SPON1: variants seen among roughly 807,000 people sequenced by gnomAD.
The protein encoded by SPON1 is spondin-1.
SPON1 carries 52 observed loss-of-function variants against 111.7 expected under a neutral mutation model. The ratio of observed to expected loss-of-function variants is 0.47; its 90% CI spans 0.37 to 0.59. The LOEUF (loss-of-function observed/expected upper bound fraction) is 0.59, where lower values mean the gene tolerates loss of function less well. SPON1 is among the 20% of genes least tolerant of loss of function. SPON1 has a pLI of 0.00. For synonymous variants in SPON1, 410 were observed against 395.8 expected (o/e 1.04, Z -0.43); for missense variants, 957 against 1,068.5 (o/e 0.90, Z 1.46).
intron 6 of SPON1, among the ~76,000 whole-genome samples, chr11:14,170,348 A>G (rs11493160): frequency 0.19 from 29,553 of 152,048 alleles, 2,969 homozygotes; most frequent in Admixed American, 0.25. Context: ...TTGATTTTGT[A>G]TCCTGAGACT....
intron 2 of SPON1, among the ~76,000 whole-genome samples, chr11:13,991,251 TC>T (rs1402145311): frequency 6.6e-6 from 1 of 152,218 alleles, no homozygotes; most frequent in African/African-American, 2.4e-5. Context: ...GTCCCATATT[TC>T]TTGGAGGCTT....
At position 14,254,609 on chromosome 11, in the gene SPON1, C is replaced by A. The variant is rs552457223; in HGVS notation, c.972C>A (p.Pro324=). ...MSFLTMMGPS[P]DWNVGLSAED... ...TCCTGACCATGATGGGCCCTAGTCCCGACTGGAACGTAGGCTTATCTGCAG... is the reference window on the plus strand; with the variant it reads ...TCCTGACCATGATGGGCCCTAGTCCAGACTGGAACGTAGGCTTATCTGCAG... Residue 324 remains proline (P), a synonymous_variant, in exon 8 of 16, where the codon CCC becomes CCA. Coordinates refer to ENST00000576479, the MANE Select transcript of SPON1 (RefSeq NM_006108.4). The A allele has an allele frequency of 1.2e-6, 2 of 1,613,830 alleles. No individual in the cohort carries two copies. Among genetic ancestry groups the A allele is most frequent in the African/African-American group, 1.3e-5 (1 of 74,910 alleles).
intron 6 of SPON1, among the ~76,000 whole-genome samples, chr11:14,157,411 T>C (rs1847861216): frequency 1.3e-5 from 2 of 152,224 alleles, no homozygotes; most frequent in Admixed American, 1.3e-4. Context: ...GTCAGTCTTA[T>C]GGTTGCTTGT....
chr11:14,015,942 A>C (rs1234316201), intron 2 of SPON1, among the ~76,000 whole-genome samples: 2 of 152,164 alleles, frequency 1.3e-5, no homozygotes, highest in African/African-American at 4.8e-5. Flanking sequence ...TCTAGGAGGG[A>C]TCTCTGAAGT....
intron 6 of SPON1, among the ~76,000 whole-genome samples, chr11:14,198,478 AAG>A (rs1554935289): frequency 1.3e-5 from 2 of 152,258 alleles, no homozygotes; most frequent in Non-Finnish European, 2.9e-5. Flanking sequence ...GGAATTTGAA[AAG>A]ATGATATATT....
intron 3 of SPON1, among the ~76,000 whole-genome samples, chr11:14,059,051 G>C (rs1591364173): frequency 6.6e-6 from 1 of 152,314 alleles, no homozygotes; most frequent in South Asian, 2.1e-4. Context: ...CTTACAAGCT[G>C]TGTCTGTTGG....
intron 3 of SPON1, among the ~76,000 whole-genome samples, chr11:14,074,816 A>C (rs781999385): frequency 6.6e-6 from 1 of 152,216 alleles, no homozygotes; most frequent in Non-Finnish European, 1.5e-5. Flanking sequence ...ATAACAGCTG[A>C]AGTTGTCTTT....
chr11:14,044,561 G>A (rs371102458), intron 3 of SPON1, among the ~76,000 whole-genome samples: 100 of 152,270 alleles, frequency 6.6e-4, no homozygotes, highest in African/African-American at 2.2e-3. Context: ...GCAGTGAGCC[G>A]AGACTGTGCC....
intron 6 of SPON1, among the ~76,000 whole-genome samples, chr11:14,229,618 C>G (rs1363524860): frequency 1.3e-5 from 2 of 152,200 alleles, no homozygotes; most frequent in African/African-American, 4.8e-5. Flanking sequence ...GAACAAGCTC[C>G]ACAAGGGCAG....
chr11:14,204,454 A>AT (rs1227547291), intron 6 of SPON1, among the ~76,000 whole-genome samples: 2 of 151,434 alleles, frequency 1.3e-5, no homozygotes, highest in South Asian at 4.2e-4. Context: ...TAATTTTTTT[A>AT]TTTTTTAATT....
At chr11:14,256,593 C>T (rs1554941235) in intron 9 of SPON1, 24 bp from the exon 10 acceptor site, 10 of 1,570,942 alleles carry the variant, frequency 6.4e-6, no homozygotes, top group Non-Finnish European at 8.8e-6. Flanking sequence ...CATGTGAGCC[C>T]TCCAAGTAAA....
chr11:14,237,223 G>A (rs1554939278), intron 6 of SPON1, among the ~76,000 whole-genome samples: 1 of 152,174 alleles, frequency 6.6e-6, no homozygotes, highest in African/African-American at 2.4e-5. Flanking sequence ...GATATTTTTT[G>A]TGCATGGCAA....
intron 6 of SPON1, among the ~76,000 whole-genome samples, chr11:14,197,015 A>G (rs1848409765): frequency 1.3e-5 from 2 of 152,010 alleles, no homozygotes; most frequent in African/African-American, 4.8e-5. Context: ...GCACCACTGC[A>G]CTCTAATCTG....
At chr11:14,254,874 T>A (rs1455876284) in intron 8 of SPON1, 145 bp downstream of exon 8, 4 of 770,680 alleles carry the variant, frequency 5.2e-6, no homozygotes, top group Non-Finnish European at 8.3e-6. Context: ...CATCATCACA[T>A]ATGGTGTAAT....
intron 5 of SPON1, among the ~76,000 whole-genome samples, chr11:14,122,087 TG>T (rs1353345464): frequency 6.6e-6 from 1 of 152,136 alleles, no homozygotes; most frequent in East Asian, 1.9e-4. Flanking sequence ...TTATTCTGTT[TG>T]GGGTTTGTTG....
intron 2 of SPON1, among the ~76,000 whole-genome samples, chr11:13,995,432 CA>C (rs2133789561): frequency 6.6e-6 from 1 of 152,188 alleles, no homozygotes; most frequent in African/African-American, 2.4e-5. Flanking sequence ...TGGTAGAAGG[CA>C]AAGGGGGAGC....
intron 5 of SPON1, among the ~76,000 whole-genome samples, chr11:14,097,301 T>A (rs892629940): frequency 6.6e-6 from 1 of 152,202 alleles, no homozygotes; most frequent in Non-Finnish European, 1.5e-5. Context: ...AGATCATGTT[T>A]CCTGGTTTAA....
intron 2 of SPON1, among the ~76,000 whole-genome samples, chr11:14,008,843 T>C (rs1298674831): frequency 1.3e-5 from 2 of 152,170 alleles, no homozygotes; most frequent in African/African-American, 2.4e-5. Context: ...GAATTTTCCT[T>C]CTTAAAAGAA....
intron 6 of SPON1, among the ~76,000 whole-genome samples, chr11:14,234,344 G>A (rs558307071): frequency 6.6e-6 from 1 of 152,282 alleles, no homozygotes; most frequent in African/African-American, 2.4e-5. Context: ...TCTGACTGCT[G>A]AAGGTCAGGT....
Sources: allele counts gnomAD v4.1 joint callset (sites outside exome capture counted in the v4.1 genomes callset), GRCh38; gene constraint gnomAD v4.1.1; transcripts MANE v1.5; gene names NCBI Gene and HGNC (gene_info 2026-07-23, HGNC 2026-07-21).